ZNF532: variants seen among roughly 807,000 people sequenced by gnomAD.
ZNF532 encodes zinc finger protein 532.
Under a neutral mutation model 89.3 loss-of-function variants are expected in ZNF532, and 22 were observed. The ratio of observed to expected loss-of-function variants is 0.25; its 90% CI spans 0.18 to 0.35. The LOEUF (loss-of-function observed/expected upper bound fraction) is 0.35. Ranked by LOEUF, ZNF532 falls within the 10% of genes least tolerant of loss-of-function variation. ZNF532 has a pLI of 1.00. For synonymous variants in ZNF532, 606 were observed against 649.6 expected (o/e 0.93, Z 1.02); for missense variants, 1,132 against 1,643.4 (o/e 0.69, Z 5.38).
chr18:58,939,246 C>CAAAAAAAAAACAA (rs2062750039), intron 4 of ZNF532, among the ~76,000 whole-genome samples, 199 bp from the exon 5 acceptor site: 1 of 34,502 alleles, frequency 2.9e-5, no homozygotes, highest in South Asian at 1.1e-3. Context: ...GACGTTGTCT[C>CAAAAAAAAAACAA]AAAAAAAAAA....
chr18:58,967,687 A>G (rs1280717058), intron 7 of ZNF532, among the ~76,000 whole-genome samples: 5 of 152,194 alleles, frequency 3.3e-5, no homozygotes, highest in Non-Finnish European at 5.9e-5. Context: ...GAAGGAATTA[A>G]TCGAAACGCA....
intron 2 of ZNF532, among the ~76,000 whole-genome samples, chr18:58,869,872 T>A (rs1413417407): frequency 6.6e-6 from 1 of 150,534 alleles, no homozygotes; most frequent in Non-Finnish European, 1.5e-5. Context: ...GTTCAAGCGA[T>A]TCTCCTGCCT....
rs548954744 is a variant in ZNF532 at position 58,876,331 on chromosome 18, T to C, written c.-18+10752T>C. ...AGTAGCCTCCTGGTGCCATTGACCC[T>C]GCTGGTTCATGGCCTGTCACGCTCT... On this transcript the variant is annotated intron_variant, in intron 2 of 9. Coordinates refer to ENST00000591808, the MANE Select transcript of ZNF532 (RefSeq NM_001375912.1). 1.6e-4 allele frequency among the ~76,000 whole-genome samples: 25 copies of C among 152,278 alleles called. No homozygotes were observed. In the South Asian group the frequency reaches 5.2e-3, roughly 32 times the overall value.
In ZNF532 at chr18:58,920,345, A is replaced by C; in HGVS notation, c.2058A>C (p.Pro686=). The C allele has an allele frequency of 6.2e-7, 1 of 1,614,024 alleles. No homozygotes were observed. Among genetic ancestry groups the C allele is most frequent in the Non-Finnish European group, 8.5e-7 (1 of 1,179,870 alleles). Residue 686 remains proline, a synonymous_variant, in exon 3 of 10, where the codon CCA becomes CCC. Coordinates refer to ENST00000591808, the MANE Select transcript of ZNF532 (RefSeq NM_001375912.1). ...CCCACTTAATTTTAAAGCCAGTCCC[A>C]GCAGATCAAATGATAGTTTCTCCGT... is the stretch of plus-strand genomic sequence containing the variant. ...QCSHLILKPV[P]ADQMIVSPSS...
At chr18:58,922,038 T>C (rs1159611705) in intron 3 of ZNF532, among the ~76,000 whole-genome samples, 1 of 151,200 alleles carries the variant, frequency 6.6e-6, no homozygotes, top group Non-Finnish European at 1.5e-5. Flanking sequence ...GCCTGAGAGG[T>C]GGAGGTTGCA....
At chr18:58,951,339 TACAG>T (rs1416285431) in intron 6 of ZNF532, among the ~76,000 whole-genome samples, 1 of 152,212 alleles carries the variant, frequency 6.6e-6, no homozygotes, top group Non-Finnish European at 1.5e-5. Flanking sequence ...AAGGTTATCT[TACAG>T]AAGAATATTT....
chr18:58,918,835 A>G lies in ZNF532; in HGVS notation c.548A>G (p.Asn183Ser), dbSNP rs2060803332. 1 of 1,613,986 alleles carries G rather than the reference A, an allele frequency of 6.2e-7. No homozygotes were observed. The highest frequency in any genetic ancestry group is 1.1e-5 in the South Asian group (1 of 91,086). ...AAGCTGAAGGCACTCGGAGGGGAAA[A>G]CTCCAGCAAAACTGGACTCTCTACG... ...YDKLKALGGE[N>S]SSKTGLSTSG... Residue 183 changes from asparagine to serine, a missense_variant, in exon 3 of 10, where the codon AAC becomes AGC. Physicochemically the swap from Asn to Ser is conservative, Grantham distance 46 (BLOSUM62 1). Around this residue, in one of 9 missense-constraint regions of ZNF532, gnomAD observed 302 missense variants for 319.8 expected, o/e 0.94. Coordinates refer to ENST00000591808, the MANE Select transcript of ZNF532 (RefSeq NM_001375912.1).
chr18:58,865,603 G>T lies in ZNF532; in HGVS notation c.-18+24G>T, dbSNP rs201017745. 1.4e-3 allele frequency: 210 copies of T among 153,076 alleles called. 1 individual carries two copies. The highest frequency in any genetic ancestry group is 2.1e-3 in the South Asian group (10 of 4,818). 9.5% of individuals were successfully genotyped at this position (153,076 alleles called of 1,614,324 possible). ...AGGTGAGATACGCTGTTTTGAGCAT[G>T]AATTTAAATATTTATTTGCAGATCC... On this transcript the variant is annotated intron_variant, in intron 2 of 9. Coordinates refer to ENST00000591808, the MANE Select transcript of ZNF532 (RefSeq NM_001375912.1).
At chr18:58,964,535 T>TTGTGTGTGTG (rs200298951) in intron 7 of ZNF532, among the ~76,000 whole-genome samples, 6 of 138,554 alleles carry the variant, frequency 4.3e-5, no homozygotes, top group Non-Finnish European at 9.3e-5. Context: ...GATATTTTGT[T>TTGTGTGTGTG]TGTGTGTGTG....
At chr18:58,888,787 A>ATTATATATATAATTT (rs1491511822) in intron 2 of ZNF532, among the ~76,000 whole-genome samples, 19 of 8,156 alleles carry the variant, frequency 2.3e-3, no homozygotes, top group East Asian at 8.1e-3. Context: ...ATATATATAA[A>ATTATATATATAATTT]ATATATATAA....
intron 7 of ZNF532, among the ~76,000 whole-genome samples, chr18:58,973,499 A>G (rs1303258837): frequency 6.6e-6 from 1 of 152,234 alleles, no homozygotes; most frequent in Non-Finnish European, 1.5e-5. Context: ...ACTGAACTAA[A>G]TGAAGTGGCA....
intron 2 of ZNF532, among the ~76,000 whole-genome samples, chr18:58,908,350 T>A (rs2060068544): frequency 6.6e-6 from 1 of 152,226 alleles, no homozygotes; most frequent in Admixed American, 6.5e-5. Flanking sequence ...ATAGACAATT[T>A]ATTTCAGGGA....
intron 2 of ZNF532, among the ~76,000 whole-genome samples, chr18:58,909,603 G>A (rs917885338): frequency 5.3e-5 from 8 of 152,250 alleles, no homozygotes; most frequent in African/African-American, 1.9e-4. Flanking sequence ...AGTGCTGTGG[G>A]GTCCACGAGA....
rs201185805 is a variant in ZNF532, at chr18:58,948,052, A to T, written c.2706-15A>T. The T allele has an allele frequency of 8.7e-6, 14 of 1,601,970 alleles. No homozygotes were observed. In the East Asian group the frequency reaches 2.9e-4, roughly 34 times the overall value. On this transcript the variant is annotated splice_polypyrimidine_tract_variant and intron_variant, in intron 5 of 9. Transcript: ENST00000591808. ...AGGCTGACTGACATGATCTCGCTGC[A>T]CTCTTCTATTTTAGAATAATATATA...
At chr18:58,881,273 A>C (rs1018870613) in intron 2 of ZNF532, among the ~76,000 whole-genome samples, 3 of 151,828 alleles carry the variant, frequency 2.0e-5, no homozygotes, top group Non-Finnish European at 4.4e-5. Context: ...CTGGGATTAC[A>C]GGGGCCTGCC....
At chr18:58,928,314 C>G (rs1002058965) in intron 3 of ZNF532, among the ~76,000 whole-genome samples, 3 of 152,210 alleles carry the variant, frequency 2.0e-5, no homozygotes, top group African/African-American at 7.2e-5. Context: ...TGCATTCTCT[C>G]TGCCAGTTGC....
intron 3 of ZNF532, among the ~76,000 whole-genome samples, chr18:58,930,386 G>C (rs998042307): frequency 1.3e-5 from 2 of 152,038 alleles, no homozygotes; most frequent in Admixed American, 1.3e-4. Flanking sequence ...TAGCACTTTG[G>C]GAGGCCAAAG....
chr18:58,959,253 G>GTTTTTTTTTTTTTTTT (rs201150500), intron 7 of ZNF532, among the ~76,000 whole-genome samples: 26 of 121,656 alleles, frequency 2.1e-4, no homozygotes, highest in East Asian at 9.4e-4. Context: ...TCAGTTTTTT[G>GTTTTTTTTTTTTTTTT]TTTTTTGTTT....
chr18:58,914,038 C>T (rs996463455), intron 2 of ZNF532, among the ~76,000 whole-genome samples: 1 of 152,124 alleles, frequency 6.6e-6, no homozygotes, highest in African/African-American at 2.4e-5. Context: ...TTTTTTATTG[C>T]AAAGGAAGAA....
Sources: allele counts gnomAD v4.1 joint callset (sites outside exome capture counted in the v4.1 genomes callset), GRCh38; gene constraint gnomAD v4.1.1; regional missense constraint gnomAD v4.1.1; transcripts MANE v1.5; gene names NCBI Gene and HGNC (gene_info 2026-07-23, HGNC 2026-07-21).